The following TTC6 variants were observed in gnomAD, a reference collection of about 807,000 sequenced individuals.
The protein encoded by TTC6 is tetratricopeptide repeat domain 6.
In TTC6, 172 loss-of-function variants were observed where a neutral mutation model predicts 210.4. The observed-to-expected ratio is 0.82, with a 90% confidence interval of 0.72 to 0.93. The LOEUF (loss-of-function observed/expected upper bound fraction) is 0.93, where lower values mean the gene tolerates loss of function less well. Among genes scored for constraint, TTC6 ranks in the 40% least tolerant of loss-of-function variants. TTC6 has a pLI of 0.00. For missense variants in TTC6, 2,414 were observed against 2,318.1 expected (o/e 1.04, Z -0.85); for synonymous variants, 804 against 819.6 (o/e 0.98, Z 0.32).
At chr14:37,747,850 G>A (rs2095940653) in intron 10 of TTC6, among the ~76,000 whole-genome samples, 1 of 152,190 alleles carries the variant, frequency 6.6e-6, no homozygotes, top group African/African-American at 2.4e-5. Context: ...CAGAAGGGCT[G>A]AAAAGGGCAA....
intron 1 of TTC6, among the ~76,000 whole-genome samples, chr14:37,679,911 A>G (rs2095779381): frequency 6.6e-6 from 1 of 151,984 alleles, no homozygotes; most frequent in Non-Finnish European, 1.5e-5. Context: ...GCTCATCTCA[A>G]ATTCTTGACC....
At chr14:37,815,354 C>T (rs2096138987) in intron 25 of TTC6, among the ~76,000 whole-genome samples, 3 of 152,028 alleles carry the variant, frequency 2.0e-5, no homozygotes, top group African/African-American at 7.3e-5. Flanking sequence ...GTCAGGGTGG[C>T]GGGGTGATGG....
At position 37,776,207 on chromosome 14, in the gene TTC6, C is replaced by T. The variant is rs1357772558; in HGVS notation, c.3267-11261C>T. Among the ~76,000 whole-genome samples the T allele has an allele frequency of 9.6e-5, 2 of 20,882 alleles. 1 individual carries two copies. Among genetic ancestry groups the T allele is most frequent in the Non-Finnish European group, 2.6e-4 (2 of 7,640 alleles). The allele number at this position is 20,882 out of a possible 152,430, so 13.7% of individuals were successfully genotyped here. On this transcript the variant is annotated intron_variant, in intron 14 of 30. Coordinates refer to ENST00000553443, the Ensembl canonical transcript of TTC6. ...CTGGGACTACAGGCGCCCGCCACCG[C>T]GCCCGGCTAATTTTTTGTCTTTTTA...
chr14:37,807,340 A>G (rs1415154401), exon 23 of TTC6: 1 of 1,530,290 alleles, frequency 6.5e-7, no homozygotes. Context: ...GCCGAGTAGC[A>G]TTCTATGGTT....
intron 3 of TTC6, among the ~76,000 whole-genome samples, chr14:37,686,261 T>TAA (rs2095793529): frequency 6.6e-6 from 1 of 152,224 alleles, no homozygotes; most frequent in South Asian, 2.1e-4. Flanking sequence ...GGATTATATG[T>TAA]AAATGCTACA....
chr14:37,787,745 A>G, intron 15 of TTC6, 108 bp downstream of exon 17: 1 of 750,838 alleles, frequency 1.3e-6, no homozygotes, highest in South Asian at 4.0e-5. Flanking sequence ...TATGTATACT[A>G]CTATATACTA....
At chr14:37,646,659 G>A (rs957491570) in intron 1 of TTC6, among the ~76,000 whole-genome samples, 1 of 152,068 alleles carries the variant, frequency 6.6e-6, no homozygotes, top group African/African-American at 2.4e-5. Context: ...CCTCACTAAT[G>A]CAGTATTCCT....
chr14:37,739,297 C>A, intron 10 of TTC6, 142 bp downstream of exon 12: 1 of 917,534 alleles, frequency 1.1e-6, no homozygotes, highest in Non-Finnish European at 1.5e-6. Context: ...AAACCTCTGG[C>A]TGGGCGCCGT....
chr14:37,817,512 A>G (rs979502976), intron 25 of TTC6, 66 bp from the exon 28 acceptor site: 182 of 1,398,988 alleles, frequency 1.3e-4, no homozygotes, highest in Non-Finnish European at 1.8e-4. Flanking sequence ...CACAGTTAGA[A>G]GGAAGTTTAA....
chr14:37,743,274 T>G (rs778525896), intron 10 of TTC6, among the ~76,000 whole-genome samples: 2 of 152,042 alleles, frequency 1.3e-5, no homozygotes, highest in African/African-American at 4.8e-5. Flanking sequence ...TCTTTTATCA[T>G]GTTCCTTTTC....
chr14:37,836,303 A>C (rs2096197797), intron 29 of TTC6, among the ~76,000 whole-genome samples: 1 of 152,166 alleles, frequency 6.6e-6, no homozygotes, highest in African/African-American at 2.4e-5. Flanking sequence ...ATTGTCTCTA[A>C]CTTAACCAAA....
chr14:37,603,532 T>G (rs1352672117), intron 1 of TTC6, among the ~76,000 whole-genome samples: 1 of 152,246 alleles, frequency 6.6e-6, no homozygotes, highest in Non-Finnish European at 1.5e-5. Flanking sequence ...TTGCTGAATA[T>G]CCAGGTTTGT....
At chr14:37,664,158 A>C (rs1276617612) in intron 1 of TTC6, among the ~76,000 whole-genome samples, 1 of 150,690 alleles carries the variant, frequency 6.6e-6, no homozygotes, top group Non-Finnish European at 1.5e-5. Flanking sequence ...GCTATTTTAA[A>C]GCTCATGTGG....
rs542107301 is a variant in TTC6, at chr14:37,833,412, T to C, written c.5298+6046T>C. On this transcript the variant is annotated intron_variant, in intron 29 of 30. Transcript: ENST00000553443. ...GTTTTTTGACTTGAAGTCTGTTTTG[T>C]TTGATATAACTCCTTGTTTTGGGTT... 1.6e-4 allele frequency among the ~76,000 whole-genome samples: 24 copies of C among 152,338 alleles called. No individual in the cohort carries two copies. The South Asian group carries it at 4.6e-3, about 29-fold the overall frequency.
intron 1 of TTC6, among the ~76,000 whole-genome samples, chr14:37,655,659 AAAT>A: frequency 6.6e-6 from 1 of 152,320 alleles, no homozygotes; most frequent in East Asian, 1.9e-4. Context: ...AAAGGACCCC[AAAT>A]AATGTGCACA....
At chr14:37,659,981 C>T (rs1277096586) in intron 1 of TTC6, among the ~76,000 whole-genome samples, 1 of 151,992 alleles carries the variant, frequency 6.6e-6, no homozygotes, top group Non-Finnish European at 1.5e-5. Flanking sequence ...GTTTAAGTTC[C>T]TTATAGATGC....
At chr14:37,741,883 A>G (rs1455525704) in intron 10 of TTC6, among the ~76,000 whole-genome samples, 2 of 152,122 alleles carry the variant, frequency 1.3e-5, no homozygotes, top group African/African-American at 4.8e-5. Context: ...ATAACTTCGC[A>G]GCTTCATTGT....
At chr14:37,653,914 C>T (rs1281837883) in intron 1 of TTC6, among the ~76,000 whole-genome samples, 2 of 152,090 alleles carry the variant, frequency 1.3e-5, no homozygotes, top group African/African-American at 4.8e-5. Flanking sequence ...GAATAAATAA[C>T]CATCTTGTTT....
intron 1 of TTC6, among the ~76,000 whole-genome samples, chr14:37,632,851 A>G (rs2095672573): frequency 6.6e-6 from 1 of 152,248 alleles, no homozygotes; most frequent in African/African-American, 2.4e-5. Context: ...GTCTGGCTAC[A>G]GCCAAGCTGT....
Sources: allele counts gnomAD v4.1 joint callset (sites outside exome capture counted in the v4.1 genomes callset), GRCh38; gene constraint gnomAD v4.1.1; transcripts MANE v1.5; gene names NCBI Gene and HGNC (gene_info 2026-07-23, HGNC 2026-07-21).